Variants in DUSP9 observed in about 807,000 individuals in gnomAD.
DUSP9 encodes the protein dual specificity phosphatase 9.
Under a neutral mutation model 13.2 loss-of-function variants are expected in DUSP9, and 4 were observed. The observed-to-expected ratio is 0.30, with a 90% CI of 0.15 to 0.69. The LOEUF is 0.69. Ranked by LOEUF, DUSP9 falls within the 30% of genes least tolerant of loss-of-function variation. The pLI is 0.73. For synonymous variants in DUSP9, 166 were observed against 172.3 expected (o/e 0.96, Z 0.29); for missense variants, 263 against 355.0 (o/e 0.74, Z 2.08).
At chrX:153,642,858 ACCACAGACCCGGGTGCCTGTAGTG>A (rs1175397716), upstream of DUSP9, among the ~76,000 whole-genome samples, 1 of 108,359 alleles carries the variant, frequency 9.2e-6, no homozygotes, top group Non-Finnish European at 1.9e-5. Context: ...CAAACCACGC[ACCACAGACCCGGGTGCCTGTAGTG>A]CACACACTAG....
upstream of DUSP9, chrX:153,643,459 C>A: frequency 2.9e-6 from 1 of 342,232 alleles, no homozygotes; most frequent in Non-Finnish European, 5.9e-6. Flanking sequence ...CCTAAACAGA[C>A]CTTGAGACTC....
In DUSP9 at chrX:153,649,672, G is replaced by A. The variant is rs1325836364; in HGVS notation, c.814G>A (p.Ala272Thr). Residue 272 changes from alanine (A) to threonine (T), a missense_variant, in exon 3 of 4, where the codon GCC becomes ACC. Transcript: ENST00000342782. The part of the protein sequence containing the change: ...SQNLSRFFPE[A>T]IEFIDEALSQ... The stretch of plus-strand genomic sequence containing the variant: ...GAACCTGTCGCGGTTCTTTCCGGAG[G>A]CCATTGAGTTCATTGGTGAGTCCAC... The A allele has an allele frequency of 2.5e-6, 3 of 1,206,044 alleles. No homozygotes were observed. The highest frequency in any genetic ancestry group is 3.0e-5 in the East Asian group (1 of 33,768).
upstream of DUSP9, among the ~76,000 whole-genome samples, chrX:153,644,601 G>A (rs1167427692): frequency 1.8e-5 from 2 of 112,150 alleles, no homozygotes; most frequent in Non-Finnish European, 1.9e-5. Context: ...GGCGCTGCGG[G>A]CGCTGTGGGC....
upstream of DUSP9, among the ~76,000 whole-genome samples, chrX:153,644,916 G>A (rs1207143856): frequency 1.8e-5 from 2 of 112,851 alleles, no homozygotes; most frequent in Admixed American, 9.3e-5. Context: ...ACGGCAGGGC[G>A]GGCCGGGGAA....
At chrX:153,644,161 C>T (rs781998807), upstream of DUSP9, among the ~76,000 whole-genome samples, 105 of 108,633 alleles carry the variant, frequency 9.7e-4, 1 homozygote, top group African/African-American at 3.4e-3. Flanking sequence ...GGCGCGGCGC[C>T]GCTCTCGGGA....
intron 2 of DUSP9, 98 bp from the exon 3 acceptor site, chrX:153,649,134 C>A: frequency 1.2e-6 from 1 of 862,777 alleles, no homozygotes; most frequent in Non-Finnish European, 1.7e-6. Flanking sequence ...CATTTGCAAA[C>A]CCTCCAAGTT....
chrX:153,651,147 C>T lies in DUSP9; in HGVS notation c.*842C>T, dbSNP rs939927884. The stretch of plus-strand genomic sequence containing the variant: ...GTGCTTGTGTGTGCGCACGTGTCGG[C>T]GCTCACACACACATGCTAGCCCACT... On this transcript the variant is annotated 3_prime_UTR_variant, in exon 4 of 4. Coordinates refer to ENST00000342782, the MANE Select transcript of DUSP9 (RefSeq NM_001318503.2). The T allele has an allele frequency of 8.9e-6, 1 of 112,254 alleles. No individual in the cohort carries two copies. The highest frequency in any genetic ancestry group is 1.9e-5 in the Non-Finnish European group (1 of 53,125). The allele number at this position is 112,254 out of a possible 1,213,427, so 9.3% of individuals were successfully genotyped here. A position where few individuals can be genotyped will look rare whatever the true frequency, so the allele number is the denominator to read the frequency against.
rs782666449 is a variant in DUSP9 at position 153,650,229 on chromosome X, C to T, written c.1079C>T (p.Ala360Val). Residue 360 changes from alanine (A) to valine (V), a missense_variant, in exon 4 of 4, where the codon GCA (alanine) becomes GTA (valine). Coordinates refer to ENST00000342782, the MANE Select transcript of DUSP9 (RefSeq NM_001318503.2). ...HSQEQGSGGQ[A>V]SAASNPPSFF... Reference sequence around the variant, plus strand: ...CAGGAGCAGGGCAGTGGGGGGCAGGCATCTGCGGCCTCCAACCCGCCCTCC... The same window carrying T: ...CAGGAGCAGGGCAGTGGGGGGCAGGTATCTGCGGCCTCCAACCCGCCCTCC... 2.5e-6 allele frequency: 3 copies of T among 1,211,066 alleles called. No homozygotes were observed. The highest frequency in any genetic ancestry group is 3.5e-5 in the South Asian group (2 of 56,991).
rs1330363913 is a variant in DUSP9, at chrX:153,651,065, A to T, written c.*760A>T. On this transcript the variant is annotated 3_prime_UTR_variant, in exon 4 of 4. Transcript: ENST00000342782. ...GGGTGGGGAAGGGGCCAAGCTGCAG[A>T]CACACACAGTCATTCATTTCTGTCC... 4 of 110,851 alleles carry T rather than the reference A, an allele frequency of 3.6e-5. No homozygotes were observed. Among genetic ancestry groups the T allele is most frequent in the African/African-American group, 1.3e-4 (4 of 30,419 alleles). The allele number at this position is 110,851 out of a possible 1,213,427, so 9.1% of individuals were successfully genotyped here. A position where few individuals can be genotyped will look rare whatever the true frequency, so the allele number is the denominator to read the frequency against.
chrX:153,645,768 T>C, upstream of DUSP9, among the ~76,000 whole-genome samples: 1 of 112,938 alleles, frequency 8.9e-6, no homozygotes, highest in Non-Finnish European at 1.9e-5. Flanking sequence ...TATTGCCAGA[T>C]TAATTTCCAA....
chrX:153,648,044 G>C lies in DUSP9; in HGVS notation c.91G>C (p.Glu31Gln). ...CCTGCTCCTGGACTGCCGCAGCCGC[G>C]AGCTGTACGAGTCGGCGCGCATCGG... ...RLLLLDCRSR[E>Q]LYESARIGGA... The change falls in exon 2 of 4, where the codon GAG becomes CAG. Residue 31 changes from glutamate to glutamine, a missense_variant. Transcript: ENST00000342782. 1 of 1,083,340 alleles carries C rather than the reference G, an allele frequency of 9.2e-7. No homozygotes were observed. The highest frequency in any genetic ancestry group is 1.2e-6 in the Non-Finnish European group (1 of 840,666). The allele number at this position is 1,083,340 out of a possible 1,213,427, so 89.3% of individuals were successfully genotyped here.
At position 153,650,261 on chromosome X, in the gene DUSP9, A is replaced by G. The variant is rs893616466; in HGVS notation, c.1111A>G (p.Thr371Ala). The G allele has an allele frequency of 2.5e-6, 3 of 1,203,914 alleles. No homozygotes were observed. In the Admixed American group the frequency reaches 6.6e-5, roughly 26 times the overall value. The stretch of plus-strand genomic sequence containing the variant: ...GGCCTCCAACCCGCCCTCCTTCTTC[A>G]CCACCCCCACCAGTGATGGCGCCTT... ...SAASNPPSFF[T>A]TPTSDGAFEL... is the part of the protein sequence containing the mutation. The change falls in exon 4 of 4, where the codon ACC (threonine) becomes GCC (alanine). Residue 371 changes from threonine to alanine, a missense_variant. Thr to Ala is a moderately conservative substitution (Grantham distance 58). Transcript: ENST00000342782.
chrX:153,644,805 C>G (rs1210829845), upstream of DUSP9, among the ~76,000 whole-genome samples: 1 of 112,227 alleles, frequency 8.9e-6, no homozygotes, highest in Non-Finnish European at 1.9e-5. Flanking sequence ...TGCCTCTCCC[C>G]GTCCTCATTC....
Position 153,649,629 on chromosome X carries a change from C to T in DUSP9, c.771C>T (p.Ile257=), listed in dbSNP as rs1268967832. The part of the protein sequence containing the change: ...NGDFHYKQIP[I]SDHWSQNLSR... ...ACTTTCACTACAAGCAGATCCCCAT[C>T]TCCGACCACTGGAGCCAGAACCTGT... is the stretch of plus-strand genomic sequence containing the variant. Residue 257 remains isoleucine, a synonymous_variant, in exon 3 of 4, where the codon ATC becomes ATT. Transcript: ENST00000342782. The T allele has an allele frequency of 8.3e-7, 1 of 1,210,641 alleles. No individual in the cohort carries two copies. Among genetic ancestry groups the T allele is most frequent in the Non-Finnish European group, 1.1e-6 (1 of 895,395 alleles).
In DUSP9 at chrX:153,649,540, C is replaced by G; in HGVS notation, c.682C>G (p.Leu228Val). The G allele has an allele frequency of 8.2e-7, 1 of 1,212,247 alleles. No homozygotes were observed. The highest frequency in any genetic ancestry group is 3.0e-5 in the East Asian group (1 of 33,867). Reference sequence around the variant, plus strand: ...CGCCAATTTGGAGAGCCTGGCCAAACTGGGCATCCGCTACATCCTCAATGT... The same window carrying G: ...CGCCAATTTGGAGAGCCTGGCCAAAGTGGGCATCCGCTACATCCTCAATGT... ...DSANLESLAK[L>V]GIRYILNVTP... Residue 228 changes from leucine to valine, a missense_variant, in exon 3 of 4, where the codon CTG becomes GTG. By Grantham distance (32) the Leu-to-Val change is conservative. Coordinates refer to ENST00000342782, the MANE Select transcript of DUSP9 (RefSeq NM_001318503.2).
upstream of DUSP9, chrX:153,643,567 G>T (rs1321995341): frequency 6.1e-6 from 2 of 327,489 alleles, no homozygotes; most frequent in East Asian, 9.9e-5. Context: ...CCCCGGGGAG[G>T]GGCGGGGAGG....
At position 153,650,400 on chromosome X, in the gene DUSP9, G is replaced by T; in HGVS notation, c.*95G>T. The stretch of plus-strand genomic sequence containing the variant: ...AAGGGAGGGGAGGGCAGGAGGGCTC[G>T]GCCTGAGCAGGGTGCTGGGGGGAGA... On this transcript the variant is annotated 3_prime_UTR_variant, in exon 4 of 4. Coordinates refer to ENST00000342782, the MANE Select transcript of DUSP9 (RefSeq NM_001318503.2). 1 of 672,168 alleles carries T rather than the reference G, an allele frequency of 1.5e-6. No homozygotes were observed. The highest frequency in any genetic ancestry group is 2.2e-6 in the Non-Finnish European group (1 of 454,899). The allele number at this position is 672,168 out of a possible 1,213,427, so 55.4% of individuals were successfully genotyped here. A position where few individuals can be genotyped will look rare whatever the true frequency, so the allele number is the denominator to read the frequency against.
At chrX:153,647,664 G>A (rs2091193538) in intron 1 of DUSP9, 1 of 215,867 alleles carries the variant, frequency 4.6e-6, no homozygotes, top group Admixed American at 7.2e-5. Context: ...GAGCAGAAAG[G>A]GGGTATGGAG....
upstream of DUSP9, among the ~76,000 whole-genome samples, chrX:153,642,869 G>A (rs1193074551): frequency 2.8e-5 from 3 of 107,063 alleles, no homozygotes; most frequent in African/African-American, 6.9e-5. Context: ...CCACAGACCC[G>A]GGTGCCTGTA....
Sources: gnomAD v4.1 joint callset for allele counts (sites outside exome capture counted in the v4.1 genomes callset) on GRCh38, gnomAD v4.1.1 for gene constraint, MANE v1.5 for transcripts, NCBI Gene and HGNC (gene_info 2026-07-23, HGNC 2026-07-21) for gene names.